Variants in CHTF18 observed in about 807,000 individuals in gnomAD.
CHTF18 encodes the protein chromosome transmission fidelity factor 18.
CHTF18 carries 151 observed loss-of-function variants against 113.4 expected under a neutral mutation model. That is an observed-to-expected ratio of 1.33 (90% CI 1.17 to 1.52). CHTF18 has a LOEUF of 1.52. Ranked by LOEUF, CHTF18 falls within the 40% of genes most tolerant of loss-of-function variation. CHTF18 has a pLI of 0.00. For missense variants in CHTF18, 1,982 were observed against 1,381.6 expected (o/e 1.43, Z -6.89); for synonymous variants, 916 against 598.8 (o/e 1.53, Z -7.74).
Position 796,870 on chromosome 16 carries a change from A to C in CHTF18, c.2601+9A>C. 6.3e-7 allele frequency: 1 copy of C among 1,585,778 alleles called. No individual in the cohort carries two copies. The highest frequency in any genetic ancestry group is 8.6e-7 in the Non-Finnish European group (1 of 1,164,514). On this transcript the variant is annotated intron_variant, in intron 19 of 21. Coordinates refer to ENST00000262315, the MANE Select transcript of CHTF18 (RefSeq NM_022092.3). Reference sequence around the variant, plus strand: ...TAGAGAACAGCCCCCAGGTGAGCCCACCCAGGCTCTGGAGCAGGTTGCAGT... The same window carrying C: ...TAGAGAACAGCCCCCAGGTGAGCCCCCCCAGGCTCTGGAGCAGGTTGCAGT...
intron 18 of CHTF18, 100 bp from the exon 19 acceptor site, chr16:796,617 G>A: frequency 7.3e-7 from 1 of 1,363,922 alleles, no homozygotes; most frequent in Non-Finnish European, 9.7e-7. Context: ...TCCTGCTCTG[G>A]CCTTGTGGCT....
chr16:796,655 C>A, intron 18 of CHTF18, 62 bp from the exon 19 acceptor site: 1 of 1,493,040 alleles, frequency 6.7e-7, no homozygotes, highest in Non-Finnish European at 8.9e-7. Context: ...GAGTGCCCGG[C>A]GGCTCTCTGG....
Position 792,826 on chromosome 16 carries a change from A to C in CHTF18, c.1572+15A>C. ...GGCTCCAGGAGGTCGGTGGAGCCCCAGGAGCCGTGTGGCTGATGGCGGGGT... is the reference window on the plus strand; with the variant it reads ...GGCTCCAGGAGGTCGGTGGAGCCCCCGGAGCCGTGTGGCTGATGGCGGGGT... On this transcript the variant is annotated intron_variant, in intron 12 of 21. Transcript: ENST00000262315. The C allele has an allele frequency of 6.5e-7, 1 of 1,538,718 alleles. No individual in the cohort carries two copies. The highest frequency in any genetic ancestry group is 8.7e-7 in the Non-Finnish European group (1 of 1,145,832).
chr16:793,998 T>C lies in CHTF18; in HGVS notation c.1803-56T>C, dbSNP rs1185727274. ...CCTCTGAGTGTCCCGGGGAGACGGGTGGGGCTGCCTGTGCTTTTAACACGG... is the reference window on the plus strand; with the variant it reads ...CCTCTGAGTGTCCCGGGGAGACGGGCGGGGCTGCCTGTGCTTTTAACACGG... On this transcript the variant is annotated intron_variant, in intron 14 of 21. Transcript: ENST00000262315. 3 of 1,570,354 alleles carry C rather than the reference T, an allele frequency of 1.9e-6. No homozygotes were observed. In the Admixed American group the frequency reaches 5.1e-5, roughly 27 times the overall value.
In CHTF18 at chr16:790,535, G is replaced by A. The variant is rs1393434524; in HGVS notation, c.763G>A (p.Gly255Arg). The change falls in exon 7 of 22, where the codon GGG becomes AGG. Residue 255 changes from glycine to arginine, a missense_variant. Physicochemically the swap from Gly to Arg is moderately radical, Grantham distance 125 (BLOSUM62 -2). Coordinates refer to ENST00000262315, the MANE Select transcript of CHTF18 (RefSeq NM_022092.3). ...LSDTLHSLRS[G>R]EEEAAQPLGA... ...CGTGGTCCTCTCCAGTCTCAGGTCG[G>A]GGGAGGAGGAGGCAGCCCAGCCCTT... The A allele has an allele frequency of 5.6e-6, 9 of 1,600,262 alleles. 1 individual carries two copies. Among genetic ancestry groups the A allele is most frequent in the Non-Finnish European group, 7.7e-6 (9 of 1,174,392 alleles).
intron 14 of CHTF18, among the ~76,000 whole-genome samples, 182 bp downstream of exon 14, chr16:793,456 C>T (rs2042256734): frequency 6.6e-6 from 1 of 152,108 alleles, no homozygotes; most frequent in Admixed American, 6.5e-5. Flanking sequence ...CCCCTACAGC[C>T]TTGGGGGGTC....
rs369540346 is a variant in CHTF18 at position 791,259 on chromosome 16, G to T, written c.993G>T (p.Pro331=). ...PSRKPRPSVE[P]ARVSKEATAP... ...GGAAGCCCAGGCCCAGTGTTGAGCC[G>T]GCCCGGGTCAGCAAGGAGGCCACAG... The change falls in exon 8 of 22, where the codon CCG becomes CCT. Residue 331 remains proline (P), a synonymous_variant. Coordinates refer to ENST00000262315, the MANE Select transcript of CHTF18 (RefSeq NM_022092.3). 42 of 1,610,278 alleles carry T rather than the reference G, an allele frequency of 2.6e-5. No individual in the cohort carries two copies. The highest frequency in any genetic ancestry group is 3.5e-5 in the Non-Finnish European group (41 of 1,179,152).
rs568336401 is a variant in CHTF18, at chr16:796,726, G to C, written c.2466G>C (p.Glu822Asp). 3 of 1,601,086 alleles carry C rather than the reference G, an allele frequency of 1.9e-6. No individual in the cohort carries two copies. Among genetic ancestry groups the C allele is most frequent in the South Asian group, 2.2e-5 (2 of 90,970 alleles). The change falls in exon 19 of 22, where the codon GAG becomes GAC. Residue 822 changes from glutamate (E) to aspartate (D), a missense_variant. Glu to Asp is a conservative substitution (Grantham distance 45). Transcript: ENST00000262315. ...CCCCTGTGCTGAGCAGGAACGTGGA[G>C]GAACTCTGCCGCTTCCCTGAGCTGC... ...QYIYRLEPNVEELCRFPELPA... is the reference protein window; with the variant it reads ...QYIYRLEPNVDELCRFPELPA...
At chr16:794,476 G>T (rs2042284630) in intron 15 of CHTF18, among the ~76,000 whole-genome samples, 3 of 152,144 alleles carry the variant, frequency 2.0e-5, no homozygotes, top group Admixed American at 6.5e-5. Flanking sequence ...ACTCTCAGCG[G>T]GTTGGGGTGG....
In CHTF18 at chr16:794,165, C is replaced by T. The variant is rs772172748; in HGVS notation, c.1914C>T (p.Ala638=). 20 of 1,612,206 alleles carry T rather than the reference C, an allele frequency of 1.2e-5. No individual in the cohort carries two copies. Among genetic ancestry groups the T allele is most frequent in the African/African-American group, 5.3e-5 (4 of 74,920 alleles). The change falls in exon 15 of 22, where the codon GCC becomes GCT. Residue 638 remains alanine (A), a synonymous_variant. Transcript: ENST00000262315. The stretch of plus-strand genomic sequence containing the variant: ...AGCGATTCTACCGTGTCCTGCATGC[C>T]GCTGCCTCTGCGGGCGAGCACGAGA... ...ASQRFYRVLH[A]AASAGEHEKV...
intron 14 of CHTF18, 132 bp downstream of exon 14, chr16:793,406 C>T (rs1052671883): frequency 2.2e-5 from 25 of 1,135,260 alleles, no homozygotes; most frequent in African/African-American, 1.9e-4. Context: ...CCTGGTCCAG[C>T]CTCCAGGGCC....
chr16:793,225 G>A lies in CHTF18; in HGVS notation c.1753G>A (p.Gly585Arg). The change falls in exon 14 of 22, where the codon GGG becomes AGG. Residue 585 changes from glycine (G) to arginine (R), a missense_variant. Transcript: ENST00000262315. ...TRVGLKDQRR[G>R]LFSVWQEVFQ... ...CGTGGGCCTCAAGGACCAGCGCAGA[G>A]GGCTCTTCTCGGTGTGGCAGGAGGT... is the stretch of plus-strand genomic sequence containing the variant. 6.2e-7 allele frequency: 1 copy of A among 1,609,594 alleles called. No homozygotes were observed. The highest frequency in any genetic ancestry group is 8.5e-7 in the Non-Finnish European group (1 of 1,179,024).
At position 794,073 on chromosome 16, in the gene CHTF18, C is replaced by T. The variant is rs774334570; in HGVS notation, c.1822C>T (p.Pro608Ser). ...RAQRRRVGQD[P>S]ALPADTLLLG... ...CTGCAGGCGCCGTGTGGGCCAGGAC[C>T]CCGCCCTGCCTGCTGACACACTCCT... Residue 608 changes from proline to serine, a missense_variant, in exon 15 of 22, where the codon CCC becomes TCC. Transcript: ENST00000262315. 8.7e-6 allele frequency: 14 copies of T among 1,611,494 alleles called. No individual in the cohort carries two copies. The highest frequency in any genetic ancestry group is 1.7e-5 in the Admixed American group (1 of 59,976).
In CHTF18 at chr16:797,735, A is replaced by G. The variant is rs747990290; in HGVS notation, c.2775A>G (p.Thr925=). The part of the protein sequence containing the change: ...DFFGRVVVRS[T]AVPSAGDTAP... Reference sequence around the variant, plus strand: ...TTGGACGTGTGGTCGTCAGGAGCACAGCAGTCCCGAGTGCAGGTGTGTGTG... The same window carrying G: ...TTGGACGTGTGGTCGTCAGGAGCACGGCAGTCCCGAGTGCAGGTGTGTGTG... Residue 925 remains threonine (T), a synonymous_variant, in exon 21 of 22, where the codon ACA becomes ACG. Transcript: ENST00000262315. 1.3e-6 allele frequency: 2 copies of G among 1,566,168 alleles called. No homozygotes were observed. The highest frequency in any genetic ancestry group is 3.6e-5 in the Admixed American group (2 of 55,740).
rs2042116525 is a variant in CHTF18, at chr16:789,655, C to A, written c.546C>A (p.Ser182=). 4.4e-6 allele frequency: 7 copies of A among 1,605,290 alleles called. No individual in the cohort carries two copies. The highest frequency in any genetic ancestry group is 1.7e-5 in the Admixed American group (1 of 59,960). The change falls in exon 4 of 22, where the codon TCC becomes TCA. Residue 182 remains serine (S), a synonymous_variant. Transcript: ENST00000262315. Reference sequence around the variant, plus strand: ...TGGAGGACTACGTCCACGTGACATCCACGGAGGGCGTCCGGGCTTATCTGG... The same window carrying A: ...TGGAGGACTACGTCCACGTGACATCAACGGAGGGCGTCCGGGCTTATCTGG... The part of the protein sequence containing the change: ...PILEDYVHVT[S]TEGVRAYLVL...
rs748178032 is a variant in CHTF18 at position 788,710 on chromosome 16, G to A, written c.26G>A (p.Cys9Tyr). 6 of 1,601,260 alleles carry A rather than the reference G, an allele frequency of 3.7e-6. No homozygotes were observed. In the Admixed American group the frequency reaches 8.5e-5, roughly 23 times the overall value. The change falls in exon 1 of 22, where the codon TGC (cysteine) becomes TAC (tyrosine). Residue 9 changes from cysteine (C) to tyrosine (Y), a missense_variant. Coordinates refer to ENST00000262315, the MANE Select transcript of CHTF18 (RefSeq NM_022092.3). ...ATGGAGGACTACGAGCAGGAGCTGT[G>A]CGGCGTCGAGGATGATTTCCACAAC... MEDYEQEL[C>Y]GVEDDFHNQF...
chr16:794,957 T>G, intron 15 of CHTF18, 175 bp from the exon 16 acceptor site: 1 of 594,550 alleles, frequency 1.7e-6, no homozygotes, highest in Non-Finnish European at 3.0e-6. Context: ...CCCTTGCTGG[T>G]GTGTGCTGCT....
At position 790,568 on chromosome 16, in the gene CHTF18, C is replaced by A. The variant is rs370867046; in HGVS notation, c.796C>A (p.Pro266Thr). 6 of 1,597,348 alleles carry A rather than the reference C, an allele frequency of 3.8e-6. No homozygotes were observed. The African/African-American group carries it at 6.7e-5, about 18-fold the overall frequency. Reference protein sequence around the residue: ...EEEAAQPLGAPEEEPTDGQDA... With the variant: ...EEEAAQPLGATEEEPTDGQDA... The stretch of plus-strand genomic sequence containing the variant: ...GGAGGCAGCCCAGCCCTTGGGGGCC[C>A]CTGAGGAGGAGCCGACTGACGGTCA... The change falls in exon 7 of 22, where the codon CCT becomes ACT. Residue 266 changes from proline to threonine, a missense_variant. Pro to Thr is a conservative substitution (Grantham distance 38). Transcript: ENST00000262315.
At position 791,385 on chromosome 16, in the gene CHTF18, C is replaced by A. The variant is rs757123635; in HGVS notation, c.1104+15C>A. ...CGAAGCAGAAGGTGAGCCCCGCTGG[C>A]TGTGCCGCCGGGAACAAGCCTGAGG... On this transcript the variant is annotated intron_variant, in intron 8 of 21. Transcript: ENST00000262315. The A allele has an allele frequency of 6.3e-6, 10 of 1,585,912 alleles. No homozygotes were observed. Among genetic ancestry groups the A allele is most frequent in the Admixed American group, 1.7e-5 (1 of 57,890 alleles).
Sources: gnomAD v4.1 joint callset for allele counts (sites outside exome capture counted in the v4.1 genomes callset) on GRCh38, gnomAD v4.1.1 for gene constraint, MANE v1.5 for transcripts, NCBI Gene and HGNC (gene_info 2026-07-23, HGNC 2026-07-21) for gene names.